AK5: variants seen among roughly 807,000 people sequenced by gnomAD.
AK5 encodes adenylate kinase isoenzyme 5.
Under a neutral mutation model 69.5 loss-of-function variants are expected in AK5, and 27 were observed. That is an observed-to-expected ratio of 0.39 (90% CI 0.29 to 0.54). The LOEUF (loss-of-function observed/expected upper bound fraction) is 0.54. Among genes scored for constraint, AK5 ranks in the 20% least tolerant of loss-of-function variants. The pLI, the probability that AK5 is intolerant of heterozygous loss-of-function variation, is 0.71. For synonymous variants in AK5, 260 were observed against 244.4 expected (o/e 1.06, Z -0.60); for missense variants, 531 against 700.4 (o/e 0.76, Z 2.73).
At chr1:77,425,249 C>T (rs955045201) in intron 8 of AK5, among the ~76,000 whole-genome samples, 1 of 152,102 alleles carries the variant, frequency 6.6e-6, no homozygotes, top group African/African-American at 2.4e-5. Context: ...TGCCAGCAGA[C>T]CTGCCTGGCA....
chr1:77,524,186 G>A (rs986671535), intron 12 of AK5, among the ~76,000 whole-genome samples: 3 of 152,016 alleles, frequency 2.0e-5, no homozygotes, highest in Admixed American at 6.6e-5. Context: ...TTCACCTATC[G>A]ATAGAGACTG....
chr1:77,384,898 G>A (rs188404851), intron 6 of AK5, among the ~76,000 whole-genome samples: 371 of 152,244 alleles, frequency 2.4e-3, no homozygotes, highest in Non-Finnish European at 4.2e-3. Context: ...TTTGGTAGTC[G>A]TGGAGTGAGA....
intron 12 of AK5, among the ~76,000 whole-genome samples, chr1:77,523,937 A>G (rs934383975): frequency 3.9e-5 from 6 of 152,126 alleles, no homozygotes; most frequent in African/African-American, 1.4e-4. Context: ...AAGTGCTGGG[A>G]TTACAGGTGT....
intron 6 of AK5, among the ~76,000 whole-genome samples, chr1:77,346,747 C>G (rs1263222207): frequency 1.3e-5 from 2 of 152,172 alleles, no homozygotes; most frequent in African/African-American, 4.8e-5. Flanking sequence ...ATCCACCCAC[C>G]TCAGCCTCCC....
intron 12 of AK5, among the ~76,000 whole-genome samples, chr1:77,525,977 G>A (rs1658257364): frequency 6.6e-6 from 1 of 151,514 alleles, no homozygotes; most frequent in Admixed American, 6.6e-5. Context: ...TTCTATTCCT[G>A]GAAAAAAAAA....
chr1:77,521,889 C>T lies in AK5; in HGVS notation c.1374C>T (p.Phe458=). The T allele has an allele frequency of 6.2e-7, 1 of 1,613,568 alleles. No individual in the cohort carries two copies. Among genetic ancestry groups the T allele is most frequent in the South Asian group, 1.1e-5 (1 of 90,980 alleles). Residue 458 remains phenylalanine, a synonymous_variant, in exon 12 of 14, where the codon TTC becomes TTT. Coordinates refer to ENST00000354567, the MANE Select transcript of AK5 (RefSeq NM_174858.3). Reference sequence around the variant, plus strand: ...CCAGCCTCGGGGACACCAGGGGCTTCCTGATTGACGGCTATCCTCGGGAGG... The same window carrying T: ...CCAGCCTCGGGGACACCAGGGGCTTTCTGATTGACGGCTATCCTCGGGAGG... ...MVASLGDTRG[F]LIDGYPREVK... is the part of the protein sequence containing the mutation.
intron 8 of AK5, among the ~76,000 whole-genome samples, chr1:77,439,370 A>G (rs1303951151): frequency 6.6e-6 from 1 of 152,142 alleles, no homozygotes; most frequent in African/African-American, 2.4e-5. Flanking sequence ...GGTAATTAGG[A>G]TATCTATCAC....
chr1:77,446,382 T>A (rs964354934), intron 8 of AK5, among the ~76,000 whole-genome samples: 31 of 152,252 alleles, frequency 2.0e-4, no homozygotes, highest in African/African-American at 7.0e-4. Flanking sequence ...ACTTTGTTTT[T>A]CCTCTCAGAA....
chr1:77,439,993 T>C (rs1257360756), intron 8 of AK5, among the ~76,000 whole-genome samples: 1 of 152,176 alleles, frequency 6.6e-6, no homozygotes, highest in East Asian at 1.9e-4. Context: ...TTATTTATTG[T>C]TATTGCAGTT....
chr1:77,317,745 A>T (rs1296967258), intron 5 of AK5, among the ~76,000 whole-genome samples: 1 of 152,178 alleles, frequency 6.6e-6, no homozygotes, highest in Non-Finnish European at 1.5e-5. Context: ...CTTTCATGAC[A>T]ATTATTGTCC....
chr1:77,546,028 C>T (rs559720875), intron 13 of AK5, among the ~76,000 whole-genome samples: 8 of 152,236 alleles, frequency 5.3e-5, no homozygotes, highest in South Asian at 2.1e-4. Context: ...CCTTTCCTTC[C>T]TGATTGTCAG....
At chr1:77,365,373 C>A (rs909281690) in intron 6 of AK5, among the ~76,000 whole-genome samples, 2 of 152,174 alleles carry the variant, frequency 1.3e-5, no homozygotes, top group Admixed American at 6.5e-5. Context: ...TGCAGTGGCA[C>A]GATCCTAGCT....
At chr1:77,531,333 A>T (rs1160708078) in intron 12 of AK5, among the ~76,000 whole-genome samples, 1 of 152,208 alleles carries the variant, frequency 6.6e-6, no homozygotes, top group Non-Finnish European at 1.5e-5. Flanking sequence ...TTGCCACTGC[A>T]GGCTAGGATC....
At chr1:77,353,616 C>T (rs1385067592) in intron 6 of AK5, among the ~76,000 whole-genome samples, 1 of 152,188 alleles carries the variant, frequency 6.6e-6, no homozygotes, top group African/African-American at 2.4e-5. Context: ...CTTGCCTTAC[C>T]CACTCTGCGT....
chr1:77,482,696 G>A (rs1329370359), intron 8 of AK5, among the ~76,000 whole-genome samples: 4 of 151,610 alleles, frequency 2.6e-5, no homozygotes, highest in African/African-American at 7.3e-5. Flanking sequence ...GTTTGAACCC[G>A]GGAGGTGGAG....
At chr1:77,547,755 A>T (rs1284704076) in intron 13 of AK5, among the ~76,000 whole-genome samples, 1 of 152,222 alleles carries the variant, frequency 6.6e-6, no homozygotes. Flanking sequence ...TTCCAAATAT[A>T]GTTCTTAATT....
At chr1:77,353,293 C>G (rs1271460265) in intron 6 of AK5, among the ~76,000 whole-genome samples, 1 of 152,028 alleles carries the variant, frequency 6.6e-6, no homozygotes, top group Non-Finnish European at 1.5e-5. Context: ...GCCTAGCCAA[C>G]ATGGTAAAAT....
At chr1:77,321,531 G>T (rs1660532846) in intron 5 of AK5, among the ~76,000 whole-genome samples, 1 of 151,724 alleles carries the variant, frequency 6.6e-6, no homozygotes. Flanking sequence ...GATCATAGTA[G>T]CAGAAAAAGC....
In AK5 at chr1:77,559,263, A is replaced by C. The variant is rs1218594632; in HGVS notation, c.*593A>C. ...TAAAATTTGACAGAAATTTTAAAAT[A>C]TGAAGATGTATAGCTTTCCCAAGAT... On this transcript the variant is annotated 3_prime_UTR_variant, in exon 14 of 14. Coordinates refer to ENST00000354567, the MANE Select transcript of AK5 (RefSeq NM_174858.3). The C allele has an allele frequency of 6.6e-6, 1 of 152,236 alleles. No individual in the cohort carries two copies. The highest frequency in any genetic ancestry group is 1.5e-5 in the Non-Finnish European group (1 of 68,050). 9.4% of individuals were successfully genotyped at this position (152,236 alleles called of 1,614,324 possible).
Sources: allele counts gnomAD v4.1 joint callset (sites outside exome capture counted in the v4.1 genomes callset), GRCh38; gene constraint gnomAD v4.1.1; transcripts MANE v1.5; gene names NCBI Gene and HGNC (gene_info 2026-07-23, HGNC 2026-07-21).